The following LRIT3 variants were observed in gnomAD, a reference collection of about 807,000 sequenced individuals.
The protein encoded by LRIT3 is leucine-rich repeat, immunoglobulin-like domain and transmembrane domain-containing protein 3.
A neutral mutation model predicts 22.6 loss-of-function variants in LRIT3; 14 were observed. The observed-to-expected ratio is 0.62, with a 90% CI of 0.41 to 0.97. The LOEUF (loss-of-function observed/expected upper bound fraction) is 0.97. Ranked by LOEUF, LRIT3 falls within the 50% of genes least tolerant of loss-of-function variation. The pLI is 0.00. For synonymous variants in LRIT3, 306 were observed against 304.5 expected (o/e 1.01, Z -0.05); for missense variants, 783 against 803.0 (o/e 0.98, Z 0.30).
chr4:109,850,442 TC>T (rs1226690476), intron 1 of LRIT3, among the ~76,000 whole-genome samples: 1 of 109,796 alleles, frequency 9.1e-6, no homozygotes, highest in African/African-American at 3.7e-5. Context: ...TTTCTTTCTT[TC>T]TTTCTTTCTT....
chr4:109,848,329 T>G lies in LRIT3; in HGVS notation c.116+12T>G. ...GGCTCAGGATCAAGGTATGCTCCTC[T>G]GCTTGTTACTAAGTGTTCTCATTAT... On this transcript the variant is annotated intron_variant, in intron 1 of 3. Coordinates refer to ENST00000594814, the MANE Select transcript of LRIT3 (RefSeq NM_198506.5). The G allele has an allele frequency of 8.4e-7, 1 of 1,194,532 alleles. No individual in the cohort carries two copies. The highest frequency in any genetic ancestry group is 1.0e-6 in the Non-Finnish European group (1 of 953,600). The allele number at this position is 1,194,532 out of a possible 1,614,324, so 74.0% of individuals were successfully genotyped here.
chr4:109,852,173 A>C (rs1734290034), intron 2 of LRIT3, among the ~76,000 whole-genome samples, 197 bp downstream of exon 2: 1 of 152,198 alleles, frequency 6.6e-6, no homozygotes, highest in South Asian at 2.1e-4. Context: ...GTGTGTGTGC[A>C]TGCATGTGTG....
intron 1 of LRIT3, among the ~76,000 whole-genome samples, chr4:109,850,469 T>TTC (rs1734217958): frequency 7.2e-6 from 1 of 138,058 alleles, no homozygotes; most frequent in Admixed American, 7.7e-5. Flanking sequence ...CTTTCTTTCT[T>TTC]TCTTTCTTTC....
intron 2 of LRIT3, among the ~76,000 whole-genome samples, chr4:109,860,062 A>AC (rs1734498202): frequency 6.6e-6 from 1 of 152,232 alleles, no homozygotes; most frequent in African/African-American, 2.4e-5. Context: ...ATTGGAATTA[A>AC]CTATAAAACC....
intron 2 of LRIT3, 77 bp from the exon 3 acceptor site, chr4:109,867,564 C>CCCG: frequency 7.5e-7 from 1 of 1,332,848 alleles, no homozygotes; most frequent in South Asian, 1.4e-5. Flanking sequence ...GTGTAGATCC[C>CCCG]TACTTTCTCA....
intron 2 of LRIT3, among the ~76,000 whole-genome samples, chr4:109,861,011 T>C (rs1332464014): frequency 3.3e-5 from 5 of 152,254 alleles, no homozygotes; most frequent in Admixed American, 1.3e-4. Context: ...CAAAGCTTTT[T>C]GTGGCACATG....
chr4:109,867,061 T>A (rs1312572658), intron 2 of LRIT3, among the ~76,000 whole-genome samples: 1 of 152,168 alleles, frequency 6.6e-6, no homozygotes, highest in Non-Finnish European at 1.5e-5. Flanking sequence ...CAATATACCT[T>A]CAAATCACAT....
chr4:109,854,900 G>A (rs557356947), intron 2 of LRIT3, among the ~76,000 whole-genome samples: 14 of 152,174 alleles, frequency 9.2e-5, no homozygotes, highest in Admixed American at 2.0e-4. Flanking sequence ...TTGAACAAGC[G>A]TTGCATCCCA....
chr4:109,872,087 C>T lies in LRIT3; in HGVS notation c.*1298C>T, dbSNP rs1299243230. The T allele has an allele frequency of 6.6e-6, 1 of 152,182 alleles. No individual in the cohort carries two copies. The highest frequency in any genetic ancestry group is 1.5e-5 in the Non-Finnish European group (1 of 68,044). The allele number at this position is 152,182 out of a possible 1,614,324, so 9.4% of individuals were successfully genotyped here. A position where few individuals can be genotyped will look rare whatever the true frequency, so the allele number is the denominator to read the frequency against. ...TCATAAATTTTAGAACAAAGCCTAACCTTACTAGATTAAACTTGCTCTATG... is the reference window on the plus strand; with the variant it reads ...TCATAAATTTTAGAACAAAGCCTAATCTTACTAGATTAAACTTGCTCTATG... On this transcript the variant is annotated 3_prime_UTR_variant, in exon 4 of 4. Coordinates refer to ENST00000594814, the MANE Select transcript of LRIT3 (RefSeq NM_198506.5).
In LRIT3 at chr4:109,870,222, G is replaced by C. The variant is rs759160846; in HGVS notation, c.1473G>C (p.Arg491Ser). The stretch of plus-strand genomic sequence containing the variant: ...CAAATGCCGCAATAGAAAACCTCAG[G>C]GTGGTCAGTGAGACTAAAGAGAGTG... ...TETNAAIENL[R>S]VVSETKESVT... Residue 491 changes from arginine (R) to serine (S), a missense_variant, in exon 4 of 4, where the codon AGG (arginine) becomes AGC (serine). Around this residue, in one of 2 missense-constraint regions of LRIT3, gnomAD observed 756 missense variants for 753.8 expected, o/e 1.00. Coordinates refer to ENST00000594814, the MANE Select transcript of LRIT3 (RefSeq NM_198506.5). 9.9e-6 allele frequency: 16 copies of C among 1,614,020 alleles called. No individual in the cohort carries two copies. Among genetic ancestry groups the C allele is most frequent in the Admixed American group, 3.3e-5 (2 of 60,006 alleles).
rs1267157190 is a variant in LRIT3 at position 109,860,865 on chromosome 4, A to G, written c.590-6776A>G. ...GAAAATCATCCATGCTGTCGCATGT[A>G]TTGGTAGTTCATTATTGCAAAATTG... On this transcript the variant is annotated intron_variant, in intron 2 of 3. Coordinates refer to ENST00000594814, the MANE Select transcript of LRIT3 (RefSeq NM_198506.5). Among the ~76,000 whole-genome samples the G allele has an allele frequency of 2.0e-5, 3 of 152,210 alleles. No homozygotes were observed. The South Asian group carries it at 6.2e-4, about 32-fold the overall frequency.
chr4:109,868,979 TA>T (rs1734753835), intron 3 of LRIT3, among the ~76,000 whole-genome samples: 1 of 152,148 alleles, frequency 6.6e-6, no homozygotes, highest in East Asian at 1.9e-4. Flanking sequence ...AGAATGAAAA[TA>T]TACCCAGATA....
intron 2 of LRIT3, among the ~76,000 whole-genome samples, chr4:109,858,187 C>T (rs893144232): frequency 1.3e-4 from 20 of 151,912 alleles, no homozygotes; most frequent in Admixed American, 1.1e-3. Flanking sequence ...TGTCATGGCT[C>T]GAATAAGAGG....
intron 2 of LRIT3, among the ~76,000 whole-genome samples, chr4:109,859,393 A>G (rs1229716152): frequency 2.0e-5 from 3 of 152,210 alleles, no homozygotes; most frequent in Admixed American, 2.0e-4. Context: ...AATTTACAAT[A>G]TAGTGTGTGC....
At chr4:109,853,468 C>T (rs1734321984) in intron 2 of LRIT3, among the ~76,000 whole-genome samples, 1 of 150,930 alleles carries the variant, frequency 6.6e-6, no homozygotes, top group Admixed American at 6.6e-5. Flanking sequence ...TGTTTAAGTT[C>T]CTTGTAGATT....
At position 109,867,830 on chromosome 4, in the gene LRIT3, C is replaced by G. The variant is rs1159161434; in HGVS notation, c.779C>G (p.Ala260Gly). Residue 260 changes from alanine to glycine, a missense_variant, in exon 3 of 4, where the codon GCC (alanine) becomes GGC (glycine). Ala to Gly is a moderately conservative substitution (Grantham distance 60). Transcript: ENST00000594814. ...CTGAAACCATCAGTGATGACCTCAG[C>G]CACCAAAATCATGTCTGCTCTGGGC... ...HCLKPSVMTS[A>G]TKIMSALGSN... The G allele has an allele frequency of 6.2e-7, 1 of 1,614,056 alleles. No homozygotes were observed. Among genetic ancestry groups the G allele is most frequent in the Non-Finnish European group, 8.5e-7 (1 of 1,180,036 alleles).
rs1734802589 is a variant in LRIT3, at chr4:109,870,403, G to A, written c.1654G>A (p.Ala552Thr). Residue 552 changes from alanine (A) to threonine (T), a missense_variant, in exon 4 of 4, where the codon GCC (alanine) becomes ACC (threonine). Physicochemically the swap from Ala to Thr is moderately conservative, Grantham distance 58. Around this residue, in one of 2 missense-constraint regions of LRIT3, gnomAD observed 756 missense variants for 753.8 expected, o/e 1.00. Coordinates refer to ENST00000594814, the MANE Select transcript of LRIT3 (RefSeq NM_198506.5). The stretch of plus-strand genomic sequence containing the variant: ...CTTGGAACCCGGTGGGCAATACATG[G>A]CCTGTGTCTGTCCAAAAGGAGTGCC... Reference protein sequence around the residue: ...DGLEPGGQYMACVCPKGVPPQ... With the variant: ...DGLEPGGQYMTCVCPKGVPPQ... 6 of 1,614,088 alleles carry A rather than the reference G, an allele frequency of 3.7e-6. No homozygotes were observed. Among genetic ancestry groups the A allele is most frequent in the East Asian group, 2.2e-5 (1 of 44,878 alleles).
At position 109,851,995 on chromosome 4, in the gene LRIT3, G is replaced by A; in HGVS notation, c.589+19G>A. 2 of 1,504,090 alleles carry A rather than the reference G, an allele frequency of 1.3e-6. No homozygotes were observed. Among genetic ancestry groups the A allele is most frequent in the Middle Eastern group, 1.7e-4 (1 of 5,716 alleles). The allele number at this position is 1,504,090 out of a possible 1,614,324, so 93.2% of individuals were successfully genotyped here. On this transcript the variant is annotated intron_variant, in intron 2 of 3. Transcript: ENST00000594814. Reference sequence around the variant, plus strand: ...ATTCTTGGTAAGCTCGCAAGCCTCTGGGCTTTTCATCTATAGTTACTTTGC... The same window carrying A: ...ATTCTTGGTAAGCTCGCAAGCCTCTAGGCTTTTCATCTATAGTTACTTTGC...
intron 2 of LRIT3, among the ~76,000 whole-genome samples, chr4:109,864,079 C>T (rs2125900124): frequency 6.6e-6 from 1 of 152,064 alleles, no homozygotes; most frequent in African/African-American, 2.4e-5. Context: ...AGAAATTAAT[C>T]TTAAAATTAA....
Sources: allele counts gnomAD v4.1 joint callset (sites outside exome capture counted in the v4.1 genomes callset), GRCh38; gene constraint gnomAD v4.1.1; regional missense constraint gnomAD v4.1.1; transcripts MANE v1.5; gene names NCBI Gene and HGNC (gene_info 2026-07-23, HGNC 2026-07-21).